Variants in KDM4C observed in about 807,000 individuals in gnomAD.
KDM4C encodes the protein lysine demethylase 4C.
KDM4C carries 81 observed loss-of-function variants against 129.3 expected under a neutral mutation model. The observed-to-expected ratio is 0.63, with a 90% CI of 0.52 to 0.75. KDM4C has a LOEUF of 0.75. Among genes scored for constraint, KDM4C ranks in the 30% least tolerant of loss-of-function variants. The pLI, the probability that KDM4C is intolerant of heterozygous loss-of-function variation, is 0.00. For synonymous variants in KDM4C, 573 were observed against 456.1 expected (o/e 1.26, Z -3.26); for missense variants, 1,457 against 1,304.0 (o/e 1.12, Z -1.81).
At chr9:6,780,969 G>T (rs1387834681) in intron 1 of KDM4C, among the ~76,000 whole-genome samples, 3 of 151,918 alleles carry the variant, frequency 2.0e-5, no homozygotes, top group African/African-American at 4.8e-5. Flanking sequence ...GCATTCTCTT[G>T]ATTCTACTTT....
chr9:7,144,519 G>A (rs1249575132), intron 19 of KDM4C, among the ~76,000 whole-genome samples: 1 of 152,228 alleles, frequency 6.6e-6, no homozygotes, highest in African/African-American at 2.4e-5. Context: ...TTCAACTGGG[G>A]ACATTGGCCT....
At position 6,865,117 on chromosome 9, in the gene KDM4C, T is replaced by A. The variant is rs1483602876; in HGVS notation, c.630-14895T>A. On this transcript the variant is annotated intron_variant, in intron 5 of 21. Coordinates refer to ENST00000381309, the MANE Select transcript of KDM4C (RefSeq NM_015061.6). ...TCTGCCTCCCGGGTTCAAGCAATTC[T>A]CCTGCTTCAGCCTCCCGAGTAGCTG... Among the ~76,000 whole-genome samples the A allele has an allele frequency of 2.0e-5, 3 of 150,628 alleles. No individual in the cohort carries two copies. The East Asian group carries it at 5.8e-4, about 29-fold the overall frequency.
chr9:7,062,256 C>G (rs1273810297), intron 17 of KDM4C, among the ~76,000 whole-genome samples: 2 of 152,222 alleles, frequency 1.3e-5, no homozygotes, highest in Non-Finnish European at 2.9e-5. Context: ...GTGTGAACCA[C>G]TGTGCCCGGC....
chr9:6,804,827 C>T (rs1440755262), intron 2 of KDM4C, among the ~76,000 whole-genome samples: 1 of 151,788 alleles, frequency 6.6e-6, no homozygotes, highest in Non-Finnish European at 1.5e-5. Flanking sequence ...ATAAACAGCA[C>T]ATAGGTACTT....
At chr9:6,870,622 C>T (rs1317604757) in intron 5 of KDM4C, among the ~76,000 whole-genome samples, 3 of 151,854 alleles carry the variant, frequency 2.0e-5, no homozygotes, top group Non-Finnish European at 2.9e-5. Flanking sequence ...TGTTTTTGAA[C>T]ACTTTAGTGA....
chr9:6,818,735 C>G (rs1832550987), intron 4 of KDM4C, among the ~76,000 whole-genome samples: 2 of 152,174 alleles, frequency 1.3e-5, no homozygotes, highest in South Asian at 4.1e-4. Flanking sequence ...GCCTTTTACA[C>G]TTAACAAAAC....
At chr9:6,779,741 A>T (rs2130746077) in intron 1 of KDM4C, among the ~76,000 whole-genome samples, 1 of 152,338 alleles carries the variant, frequency 6.6e-6, no homozygotes, top group Non-Finnish European at 1.5e-5. Flanking sequence ...GTCTATGGGT[A>T]ATTGAATCAT....
In KDM4C at chr9:6,963,907, A is replaced by T. The variant is rs192954360; in HGVS notation, c.922-17018A>T. Among the ~76,000 whole-genome samples the T allele has an allele frequency of 2.6e-5, 4 of 152,282 alleles. No homozygotes were observed. In the East Asian group the frequency reaches 7.7e-4, roughly 29 times the overall value. Reference sequence around the variant, plus strand: ...CTATCACTTTTTTAGCTATTCCTAGATTAACTATTCAGTGCAGAGGAGTAT... The same window carrying T: ...CTATCACTTTTTTAGCTATTCCTAGTTTAACTATTCAGTGCAGAGGAGTAT... On this transcript the variant is annotated intron_variant, in intron 8 of 21. Coordinates refer to ENST00000381309, the MANE Select transcript of KDM4C (RefSeq NM_015061.6).
intron 1 of KDM4C, among the ~76,000 whole-genome samples, chr9:6,779,306 G>C (rs544768366): frequency 1.3e-5 from 2 of 152,112 alleles, no homozygotes; most frequent in Non-Finnish European, 2.9e-5. Context: ...GTGAGCCACC[G>C]TGCCTGGCTG....
chr9:6,766,309 G>A (rs1333148047), intron 1 of KDM4C, among the ~76,000 whole-genome samples: 1 of 152,006 alleles, frequency 6.6e-6, no homozygotes, highest in African/African-American at 2.4e-5. Flanking sequence ...TTCAGATTTT[G>A]GAGTATTTCA....
chr9:6,721,302 GTCTC>G (rs375568931), intron 1 of KDM4C: 3 of 114,510 alleles, frequency 2.6e-5, no homozygotes, highest in African/African-American at 3.7e-5. Context: ...TTGAGACAGA[GTCTC>G]TCTCTCTCTC....
intron 17 of KDM4C, among the ~76,000 whole-genome samples, chr9:7,049,754 T>C (rs917251769): frequency 2.0e-5 from 3 of 152,144 alleles, no homozygotes; most frequent in Non-Finnish European, 4.4e-5. Context: ...TGGTTTCTGT[T>C]AAGAGCATTT....
intron 1 of KDM4C, among the ~76,000 whole-genome samples, chr9:6,725,553 T>C (rs1817093061): frequency 6.6e-6 from 1 of 152,156 alleles, no homozygotes; most frequent in Admixed American, 6.6e-5. Flanking sequence ...AATGGCACGA[T>C]CTTGGCTCAC....
At chr9:6,952,906 G>A (rs916526275) in intron 8 of KDM4C, among the ~76,000 whole-genome samples, 8 of 152,090 alleles carry the variant, frequency 5.3e-5, no homozygotes, top group Admixed American at 3.9e-4. Flanking sequence ...CAGTGAGCAC[G>A]GTTTGCAGTC....
chr9:6,953,201 G>C (rs1183102945), intron 8 of KDM4C, among the ~76,000 whole-genome samples: 1 of 152,174 alleles, frequency 6.6e-6, no homozygotes, highest in Non-Finnish European at 1.5e-5. Context: ...AAAAGCATCA[G>C]ACATCTCCCT....
rs567194128 is a variant in KDM4C at position 6,964,263 on chromosome 9, A to C, written c.922-16662A>C. Among the ~76,000 whole-genome samples the C allele has an allele frequency of 6.5e-4, 87 of 133,334 alleles. No individual in the cohort carries two copies. The South Asian group carries it at 9.1e-3, about 14-fold the overall frequency. 87.5% of individuals were successfully genotyped at this position (133,334 alleles called of 152,430 possible). A position where few individuals can be genotyped will look rare whatever the true frequency, so the allele number is the denominator to read the frequency against. ...CCTCCCCTGACCCCCCAACAGGCCC[A>C]GGTGTGTGATATTCCCCATCCTGTG... On this transcript the variant is annotated intron_variant, in intron 8 of 21. Coordinates refer to ENST00000381309, the MANE Select transcript of KDM4C (RefSeq NM_015061.6).
At position 7,086,258 on chromosome 9, in the gene KDM4C, A is replaced by T. The variant is rs183292355; in HGVS notation, c.2425-17427A>T. Reference sequence around the variant, plus strand: ...AAATTGGTAGATATTTCTGTATTTTATAACTCCACTGGCCCTAATTATGAA... The same window carrying T: ...AAATTGGTAGATATTTCTGTATTTTTTAACTCCACTGGCCCTAATTATGAA... On this transcript the variant is annotated intron_variant, in intron 17 of 21. Transcript: ENST00000381309. Among the ~76,000 whole-genome samples the T allele has an allele frequency of 4.6e-3, 703 of 152,348 alleles. 3 individuals carry two copies. Among genetic ancestry groups the T allele is most frequent in the Admixed American group, 8.8e-3 (135 of 15,304 alleles).
At chr9:7,031,666 TTA>T (rs938279248) in intron 15 of KDM4C, among the ~76,000 whole-genome samples, 21 of 151,954 alleles carry the variant, frequency 1.4e-4, no homozygotes, top group African/African-American at 4.6e-4. Flanking sequence ...CACCAATATT[TTA>T]TATATATATG....
intron 1 of KDM4C, among the ~76,000 whole-genome samples, chr9:6,762,913 C>A (rs1258415828): frequency 6.6e-6 from 1 of 151,980 alleles, no homozygotes; most frequent in Non-Finnish European, 1.5e-5. Flanking sequence ...CCCCCTCACC[C>A]TCCCAAATTA....
Sources: gnomAD v4.1 joint callset for allele counts (sites outside exome capture counted in the v4.1 genomes callset) on GRCh38, gnomAD v4.1.1 for gene constraint, MANE v1.5 for transcripts, NCBI Gene and HGNC (gene_info 2026-07-23, HGNC 2026-07-21) for gene names.